The following CD109 variants were observed in gnomAD, a reference collection of about 807,000 sequenced individuals.
CD109 encodes CD109 antigen.
A neutral mutation model predicts 165.8 loss-of-function variants in CD109; 149 were observed. The observed-to-expected ratio is 0.90, with a 90% confidence interval of 0.79 to 1.03. The LOEUF (loss-of-function observed/expected upper bound fraction) is 1.03. Ranked by LOEUF, CD109 falls within the 50% of genes least tolerant of loss-of-function variation. CD109 has a pLI of 0.00. For missense variants in CD109, 1,712 were observed against 1,677.8 expected (o/e 1.02, Z -0.36); for synonymous variants, 585 against 592.1 (o/e 0.99, Z 0.18).
At position 73,787,464 on chromosome 6, in the gene CD109, A is replaced by C. The variant is rs1160627679; in HGVS notation, c.2556+12A>C. ...TGATTTTAGTAAAGGTAAATATTTG[A>C]TGTCTGAAAGAAGTGAAATGGAAAT... On this transcript the variant is annotated intron_variant, in intron 21 of 32. Coordinates refer to ENST00000287097, the MANE Select transcript of CD109 (RefSeq NM_133493.5). 1 of 1,579,054 alleles carries C rather than the reference A, an allele frequency of 6.3e-7. No individual in the cohort carries two copies. The highest frequency in any genetic ancestry group is 1.1e-5 in the South Asian group (1 of 88,234).
chr6:73,723,156 AC>A, intron 2 of CD109, 94 bp from the exon 3 acceptor site: 1 of 1,589,674 alleles, frequency 6.3e-7, no homozygotes, highest in East Asian at 2.3e-5. Flanking sequence ...TTCCACCTAC[AC>A]ATGTAAGAGT....
intron 2 of CD109, among the ~76,000 whole-genome samples, chr6:73,703,577 G>A (rs1397347988): frequency 1.3e-5 from 2 of 152,174 alleles, no homozygotes; most frequent in Non-Finnish European, 2.9e-5. Context: ...TATACTCTAC[G>A]AAAGTTTCCT....
chr6:73,752,978 C>T (rs1343487504), intron 5 of CD109, among the ~76,000 whole-genome samples: 1 of 152,140 alleles, frequency 6.6e-6, no homozygotes, highest in Non-Finnish European at 1.5e-5. Flanking sequence ...AAAGTTTAGT[C>T]AAATTTAGTT....
At chr6:73,724,763 C>A (rs1162058251) in intron 3 of CD109, among the ~76,000 whole-genome samples, 1 of 151,858 alleles carries the variant, frequency 6.6e-6, no homozygotes, top group Non-Finnish European at 1.5e-5. Flanking sequence ...GCCACCATGC[C>A]TGGCTGATTT....
At chr6:73,789,400 C>A (rs573641365) in intron 22 of CD109, among the ~76,000 whole-genome samples, 1 of 142,564 alleles carries the variant, frequency 7.0e-6, no homozygotes, top group Non-Finnish European at 1.5e-5. Context: ...GTAGTCATCA[C>A]CTCAAATACT....
chr6:73,753,312 G>A (rs149274344), intron 5 of CD109, among the ~76,000 whole-genome samples: 4 of 151,918 alleles, frequency 2.6e-5, no homozygotes, highest in African/African-American at 7.3e-5. Flanking sequence ...GTGTTTTTGT[G>A]GTTATATATG....
At chr6:73,725,339 A>G (rs1582064410) in intron 3 of CD109, among the ~76,000 whole-genome samples, 1 of 152,286 alleles carries the variant, frequency 6.6e-6, no homozygotes, top group East Asian at 1.9e-4. Flanking sequence ...CTAAAGCACA[A>G]TAATTGTCTG....
At chr6:73,737,017 A>G (rs1313777656) in intron 5 of CD109, among the ~76,000 whole-genome samples, 1 of 152,190 alleles carries the variant, frequency 6.6e-6, no homozygotes, top group Non-Finnish European at 1.5e-5. Context: ...TGAAATCTAA[A>G]TGGAGGGCAT....
intron 23 of CD109, among the ~76,000 whole-genome samples, chr6:73,802,282 T>TAC (rs1251228448): frequency 3.1e-4 from 34 of 108,100 alleles, no homozygotes; most frequent in African/African-American, 1.2e-3. Flanking sequence ...TGTGTGTGTG[T>TAC]GTGTGTGTAT....
chr6:73,783,284 T>C (rs1469291033), intron 18 of CD109, among the ~76,000 whole-genome samples: 2 of 152,228 alleles, frequency 1.3e-5, no homozygotes, highest in African/African-American at 4.8e-5. Context: ...GTCAGCTGTT[T>C]AAAGATACTT....
intron 16 of CD109, 62 bp downstream of exon 16, chr6:73,780,560 G>A (rs1350669602): frequency 5.8e-6 from 6 of 1,032,708 alleles, no homozygotes; most frequent in Non-Finnish European, 9.0e-6. Context: ...AACCCTTTCA[G>A]AATTAGTGAT....
In CD109 at chr6:73,775,302, T is replaced by G. The variant is rs117138580; in HGVS notation, c.1827+3721T>G. Among the ~76,000 whole-genome samples, 345 of 152,264 alleles carry G rather than the reference T, an allele frequency of 2.3e-3. 6 individuals are homozygous for G. In the East Asian group the frequency reaches 0.042, roughly 18 times the overall value. On this transcript the variant is annotated intron_variant, in intron 15 of 32. Transcript: ENST00000287097. ...GAAGCAAATTTACATATTTATCATTTTGCATAGCTACATTTTTGTGACAAA... is the reference window on the plus strand; with the variant it reads ...GAAGCAAATTTACATATTTATCATTGTGCATAGCTACATTTTTGTGACAAA...
chr6:73,815,158 C>T (rs774167971), intron 30 of CD109, 35 bp downstream of exon 30: 5 of 1,516,622 alleles, frequency 3.3e-6, no homozygotes, highest in East Asian at 2.5e-5. Context: ...TCTTTTTTTC[C>T]TTTAAAAAAT....
At position 73,765,924 on chromosome 6, in the gene CD109, C is replaced by G. The variant is rs775722430; in HGVS notation, c.1108-6C>G. 6.3e-7 allele frequency: 1 copy of G among 1,595,808 alleles called. No individual in the cohort carries two copies. The highest frequency in any genetic ancestry group is 8.6e-7 in the Non-Finnish European group (1 of 1,164,932). ...TGTTTTTAAGATGTTTTGTTTTGAC[C>G]ATTAGGTGAAGGTAACTCGTGCTGA... On this transcript the variant is annotated splice_polypyrimidine_tract_variant and splice_region_variant and intron_variant, in intron 10 of 32. Transcript: ENST00000287097.
intron 32 of CD109, among the ~76,000 whole-genome samples, chr6:73,822,929 GT>G (rs1432417863): frequency 6.6e-6 from 1 of 152,214 alleles, no homozygotes; most frequent in East Asian, 1.9e-4. Flanking sequence ...ACTTTAAGTA[GT>G]TTTTGTCATG....
rs1459497114 is a variant in CD109, at chr6:73,825,483, C to G, written c.*1850C>G. On this transcript the variant is annotated 3_prime_UTR_variant, in exon 33 of 33. Coordinates refer to ENST00000287097, the MANE Select transcript of CD109 (RefSeq NM_133493.5). ...AGGACTTTCCCCTCCTCTTTCCTGG[C>G]CTGGGAACCTTATACTGACAATCAA... 6.6e-6 allele frequency: 1 copy of G among 152,090 alleles called. No individual in the cohort carries two copies. The highest frequency in any genetic ancestry group is 1.5e-5 in the Non-Finnish European group (1 of 68,022). The allele number at this position is 152,090 out of a possible 1,614,324, so 9.4% of individuals were successfully genotyped here.
At chr6:73,792,887 T>C in intron 23 of CD109, 85 bp downstream of exon 23, 1 of 1,028,160 alleles carries the variant, frequency 9.7e-7, no homozygotes. Context: ...TATTTCAAAA[T>C]AGATGGATTT....
intron 20 of CD109, among the ~76,000 whole-genome samples, chr6:73,786,023 T>C (rs890794273): frequency 1.3e-5 from 2 of 151,626 alleles, no homozygotes; most frequent in Non-Finnish European, 2.9e-5. Context: ...TTTGTGTTTT[T>C]CATAGAGACA....
In CD109 at chr6:73,792,656, T is replaced by TA; in HGVS notation, c.2733dup (p.Ala912SerfsTer12). On this transcript the variant is annotated frameshift_variant, in exon 23 of 33. Transcript: ENST00000287097. LOFTEE classifies it high-confidence loss of function. ...GTTCTTGGTCCTTCCATCAATGGCT[T>TA]AGCCTCATTGATTCGGATGCCTTAT... is the stretch of plus-strand genomic sequence containing the variant. The TA allele has an allele frequency of 6.2e-7, 1 of 1,613,376 alleles. No homozygotes were observed. Among genetic ancestry groups the TA allele is most frequent in the African/African-American group, 1.3e-5 (1 of 75,058 alleles).
Sources: gnomAD v4.1 joint callset for allele counts (sites outside exome capture counted in the v4.1 genomes callset) on GRCh38, gnomAD v4.1.1 for gene constraint, MANE v1.5 for transcripts, NCBI Gene and HGNC (gene_info 2026-07-23, HGNC 2026-07-21) for gene names.